KLHL7: variants seen among roughly 807,000 people sequenced by gnomAD.
KLHL7 encodes kelch-like protein 7.
In KLHL7, 44 loss-of-function variants were observed where a neutral mutation model predicts 67.4. That is an observed-to-expected ratio of 0.65 (90% CI 0.51 to 0.84). The LOEUF is 0.84. KLHL7 is among the 40% of genes least tolerant of loss of function. The pLI is 0.00. For missense variants in KLHL7, 362 were observed against 718.1 expected (o/e 0.50, Z 5.67); for synonymous variants, 252 against 243.3 (o/e 1.04, Z -0.33).
At position 23,124,592 on chromosome 7, in the gene KLHL7, T is replaced by A. The variant is rs572181407; in HGVS notation, c.224-96T>A. 7 of 783,280 alleles carry A rather than the reference T, an allele frequency of 8.9e-6. No individual in the cohort carries two copies. The African/African-American group carries it at 1.0e-4, about 11-fold the overall frequency. The allele number at this position is 783,280 out of a possible 1,614,324, so 48.5% of individuals were successfully genotyped here. ...TCTTCCAGAGAGAACTGTCCCGTTA[T>A]TTTTCTGCATATTTAACATGGCCTG... On this transcript the variant is annotated intron_variant, in intron 2 of 10. Coordinates refer to ENST00000339077, the MANE Select transcript of KLHL7 (RefSeq NM_001031710.3).
chr7:23,167,730 A>G (rs1413879830), intron 8 of KLHL7, 106 bp from the exon 9 acceptor site: 3 of 950,500 alleles, frequency 3.2e-6, no homozygotes, highest in Non-Finnish European at 5.0e-6. Flanking sequence ...AAATGGCCGT[A>G]TGACCCTAAA....
intron 9 of KLHL7, among the ~76,000 whole-genome samples, chr7:23,170,213 TCAAAAA>T (rs1485761548): frequency 1.3e-5 from 2 of 152,172 alleles, no homozygotes; most frequent in East Asian, 1.9e-4. Flanking sequence ...AAACTCTGTC[TCAAAAA>T]CAAAAACAAA....
chr7:23,112,347 C>T (rs1562548777), intron 1 of KLHL7, among the ~76,000 whole-genome samples: 1 of 152,146 alleles, frequency 6.6e-6, no homozygotes, highest in Non-Finnish European at 1.5e-5. Flanking sequence ...ATCATTGTGA[C>T]ACTGAAGTAT....
intron 4 of KLHL7, among the ~76,000 whole-genome samples, chr7:23,134,852 T>C (rs1169560199): frequency 2.0e-5 from 3 of 152,204 alleles, no homozygotes; most frequent in South Asian, 2.1e-4. Context: ...ATTTTCTAAG[T>C]CTACCTAAAG....
intron 7 of KLHL7, among the ~76,000 whole-genome samples, chr7:23,163,347 T>C (rs1784907253): frequency 6.6e-6 from 1 of 152,136 alleles, no homozygotes; most frequent in Middle Eastern, 3.2e-3. Flanking sequence ...ATTTTTTGTA[T>C]TTTTAGTGGA....
intron 1 of KLHL7, chr7:23,106,466 C>G (rs1299047124): frequency 8.3e-7 from 1 of 1,206,040 alleles, no homozygotes; most frequent in East Asian, 5.1e-5. Flanking sequence ...GGCGAGGATC[C>G]TTCCATTGGC....
chr7:23,126,702 G>C (rs950077829), intron 4 of KLHL7, among the ~76,000 whole-genome samples: 1 of 152,124 alleles, frequency 6.6e-6, no homozygotes, highest in Non-Finnish European at 1.5e-5. Flanking sequence ...TGTGAGCACA[G>C]AGAGAGAGAT....
intron 4 of KLHL7, chr7:23,125,918 C>T (rs2128460695): frequency 7.2e-7 from 1 of 1,395,048 alleles, no homozygotes; most frequent in East Asian, 2.5e-5. Context: ...ATGCCTGAAA[C>T]TGCAGATAGT....
chr7:23,117,081 CT>C (rs34692665), intron 1 of KLHL7, among the ~76,000 whole-genome samples: 635 of 68,176 alleles, frequency 9.3e-3, no homozygotes, highest in African/African-American at 0.031. Flanking sequence ...AGAGCCAGGC[CT>C]TTTTTTTTTT....
chr7:23,153,285 C>T (rs956551963), intron 7 of KLHL7, among the ~76,000 whole-genome samples: 2 of 152,142 alleles, frequency 1.3e-5, no homozygotes, highest in Non-Finnish European at 2.9e-5. Flanking sequence ...GTGAACCAAG[C>T]CCAGGCCTCT....
At chr7:23,146,578 C>T (rs1784361046) in intron 6 of KLHL7, among the ~76,000 whole-genome samples, 1 of 151,802 alleles carries the variant, frequency 6.6e-6, no homozygotes, top group Non-Finnish European at 1.5e-5. Flanking sequence ...AAAGGTCTTC[C>T]CTGTTCCAAG....
chr7:23,132,857 T>A (rs1253424053), intron 4 of KLHL7, among the ~76,000 whole-genome samples: 1 of 152,242 alleles, frequency 6.6e-6, no homozygotes, highest in Admixed American at 6.5e-5. Context: ...TTCTTCTGTA[T>A]ATGGATATCC....
At chr7:23,143,535 GT>G (rs926856599) in intron 5 of KLHL7, among the ~76,000 whole-genome samples, 1 of 151,698 alleles carries the variant, frequency 6.6e-6, no homozygotes, top group East Asian at 1.9e-4. Context: ...TTGACTGATA[GT>G]TTTTTTTCAG....
At chr7:23,148,227 A>T (rs1027353443) in intron 6 of KLHL7, among the ~76,000 whole-genome samples, 2 of 152,208 alleles carry the variant, frequency 1.3e-5, no homozygotes, top group East Asian at 3.8e-4. Flanking sequence ...TCTAATAATG[A>T]AAATTTTCAT....
chr7:23,125,447 G>A (rs952967934), intron 4 of KLHL7, among the ~76,000 whole-genome samples: 2 of 152,160 alleles, frequency 1.3e-5, no homozygotes, highest in African/African-American at 4.8e-5. Context: ...AATAAGGATT[G>A]CATGTGGTGA....
chr7:23,172,125 T>A, intron 9 of KLHL7: 2 of 456,286 alleles, frequency 4.4e-6, no homozygotes, highest in South Asian at 3.1e-5. Context: ...TGGTTTAAGT[T>A]AGCTGCTGAA....
At chr7:23,115,050 G>A (rs545808227) in intron 1 of KLHL7, among the ~76,000 whole-genome samples, 4 of 152,314 alleles carry the variant, frequency 2.6e-5, no homozygotes, top group Non-Finnish European at 2.9e-5. Context: ...GCCAGAAAGC[G>A]TTTGCTTGAG....
chr7:23,142,738 A>G (rs1444658553), intron 5 of KLHL7, among the ~76,000 whole-genome samples: 1 of 151,840 alleles, frequency 6.6e-6, no homozygotes, highest in East Asian at 1.9e-4. Context: ...AAAATACCTG[A>G]CCAGAACTCA....
chr7:23,162,783 A>G (rs901644099), intron 7 of KLHL7, among the ~76,000 whole-genome samples: 4 of 152,214 alleles, frequency 2.6e-5, no homozygotes, highest in African/African-American at 9.7e-5. Context: ...AAGATATATC[A>G]AATAATGGCT....
Sources: allele counts gnomAD v4.1 joint callset (sites outside exome capture counted in the v4.1 genomes callset), GRCh38; gene constraint gnomAD v4.1.1; transcripts MANE v1.5; gene names NCBI Gene and HGNC (gene_info 2026-07-23, HGNC 2026-07-21).